The following MAGI3 variants were observed in gnomAD, a reference collection of about 807,000 sequenced individuals.
MAGI3 encodes membrane associated guanylate kinase, WW and PDZ domain containing 3, also known as membrane-associated guanylate kinase, WW and PDZ domain-containing protein 3.
Under a neutral mutation model 121.8 loss-of-function variants are expected in MAGI3, and 43 were observed. The ratio of observed to expected loss-of-function variants is 0.35; its 90% CI spans 0.28 to 0.46. The LOEUF is 0.46. Ranked by LOEUF, MAGI3 falls within the 20% of genes least tolerant of loss-of-function variation. The pLI is 1.00. For synonymous variants in MAGI3, 553 were observed against 639.3 expected, an observed-to-expected ratio of 0.86 and a Z score of 2.04; for missense variants, 1,547 against 1,797.3, an observed-to-expected ratio of 0.86 and a Z score of 2.52.
intron 16 of MAGI3, among the ~76,000 whole-genome samples, chr1:113,659,644 C>T (rs1653676961): frequency 2.0e-5 from 3 of 152,174 alleles, no homozygotes; most frequent in African/African-American, 7.2e-5. Flanking sequence ...GATATCAAGT[C>T]TTTTATGTCA....
chr1:113,413,781 G>C (rs1652138931), intron 1 of MAGI3, among the ~76,000 whole-genome samples: 2 of 152,198 alleles, frequency 1.3e-5, no homozygotes, highest in Non-Finnish European at 1.5e-5. Flanking sequence ...ATTTTGGGCT[G>C]AGACGATGGG....
intron 1 of MAGI3, among the ~76,000 whole-genome samples, chr1:113,444,107 C>T (rs1654051040): frequency 6.6e-6 from 1 of 152,246 alleles, no homozygotes; most frequent in South Asian, 2.1e-4. Flanking sequence ...TGGTCAGTTA[C>T]AGCTCTTCGC....
chr1:113,551,936 T>C (rs1252974128), intron 2 of MAGI3, among the ~76,000 whole-genome samples: 1 of 152,090 alleles, frequency 6.6e-6, no homozygotes, highest in African/African-American at 2.4e-5. Flanking sequence ...AATTACTTAG[T>C]CATCTCTTCT....
chr1:113,629,117 T>G (rs901755688), intron 9 of MAGI3, among the ~76,000 whole-genome samples: 28 of 152,172 alleles, frequency 1.8e-4, no homozygotes, highest in Non-Finnish European at 3.7e-4. Context: ...ATTCTTGTTT[T>G]TTTTTGTCTC....
intron 1 of MAGI3, among the ~76,000 whole-genome samples, chr1:113,457,840 A>C (rs112861606): frequency 5.9e-5 from 9 of 152,294 alleles, no homozygotes; most frequent in Non-Finnish European, 1.3e-4. Flanking sequence ...AAAAGGTGAC[A>C]TTTGAATTGA....
intron 9 of MAGI3, among the ~76,000 whole-genome samples, chr1:113,630,091 G>A (rs904782661): frequency 2.0e-5 from 3 of 152,084 alleles, no homozygotes; most frequent in Non-Finnish European, 4.4e-5. Context: ...GGGAGCTAGG[G>A]ATTGAAGTCA....
intron 1 of MAGI3, among the ~76,000 whole-genome samples, chr1:113,405,211 G>A (rs1286437722): frequency 6.6e-6 from 1 of 152,040 alleles, no homozygotes; most frequent in African/African-American, 2.4e-5. Flanking sequence ...CAGATGTGGT[G>A]GCTCACGCCT....
intron 9 of MAGI3, among the ~76,000 whole-genome samples, chr1:113,638,121 A>T (rs540983960): frequency 2.0e-4 from 31 of 152,210 alleles, no homozygotes; most frequent in African/African-American, 6.7e-4. Context: ...TATTCTAGTT[A>T]TACATTCGTC....
At chr1:113,682,872 T>A (rs1316511922) in intron 20 of MAGI3, 25 bp from the exon 21 acceptor site, 1 of 1,525,272 alleles carries the variant, frequency 6.6e-7, no homozygotes, top group Admixed American at 2.3e-5. Flanking sequence ...AATTTAATAA[T>A]GTTCCATTCA....
intron 6 of MAGI3, among the ~76,000 whole-genome samples, chr1:113,606,442 T>C (rs899821561): frequency 6.6e-6 from 1 of 152,164 alleles, no homozygotes; most frequent in Non-Finnish European, 1.5e-5. Flanking sequence ...CATGTCCCTT[T>C]TACTGGCTTC....
intron 1 of MAGI3, among the ~76,000 whole-genome samples, chr1:113,506,626 CA>C (rs575715920): frequency 1.7e-3 from 264 of 152,304 alleles, no homozygotes; most frequent in Non-Finnish European, 2.8e-3. Flanking sequence ...CCTATTGTAA[CA>C]AAAACCAAGT....
intron 6 of MAGI3, among the ~76,000 whole-genome samples, chr1:113,608,845 C>G (rs536639373): frequency 6.6e-6 from 1 of 152,210 alleles, no homozygotes; most frequent in South Asian, 2.1e-4. Flanking sequence ...CTTGGTTGGC[C>G]CAGGACTGAT....
At chr1:113,547,993 A>G (rs1165379596) in intron 1 of MAGI3, among the ~76,000 whole-genome samples, 2 of 152,212 alleles carry the variant, frequency 1.3e-5, no homozygotes, top group African/African-American at 2.4e-5. Flanking sequence ...TGAACTTTTG[A>G]CATACACTGA....
At position 113,468,128 on chromosome 1, in the gene MAGI3, CT is replaced by C. The variant is rs552642583; in HGVS notation, c.316+76781del. Among the ~76,000 whole-genome samples, 328 of 152,166 alleles carry C rather than the reference CT, an allele frequency of 2.2e-3. 3 individuals are homozygous for C. In the South Asian group the frequency reaches 0.024, roughly 11 times the overall value. ...GTGTTTCTTTATAGGTGCTAAGTTTCTTATAGGTGGCATAAAGTTGAATTGT... is the reference window on the plus strand; with the variant it reads ...GTGTTTCTTTATAGGTGCTAAGTTTCTATAGGTGGCATAAAGTTGAATTGT... On this transcript the variant is annotated intron_variant, in intron 1 of 20. Coordinates refer to ENST00000307546, the MANE Select transcript of MAGI3 (RefSeq NM_001142782.2).
chr1:113,419,394 T>C (rs1404983821), intron 1 of MAGI3, among the ~76,000 whole-genome samples: 1 of 152,172 alleles, frequency 6.6e-6, no homozygotes, highest in African/African-American at 2.4e-5. Flanking sequence ...TTTTATCTTT[T>C]AGAAGATCAG....
chr1:113,621,258 G>T (rs886821000), intron 8 of MAGI3, among the ~76,000 whole-genome samples: 2 of 152,304 alleles, frequency 1.3e-5, no homozygotes, highest in Non-Finnish European at 2.9e-5. Context: ...TAGGGTATTT[G>T]TAGGGTAGTA....
At chr1:113,662,755 G>A (rs931550008) in intron 16 of MAGI3, among the ~76,000 whole-genome samples, 7 of 152,048 alleles carry the variant, frequency 4.6e-5, no homozygotes, top group African/African-American at 7.2e-5. Flanking sequence ...TTTGAGTTAC[G>A]TAAATGTTAT....
rs558432710 is a variant in MAGI3, at chr1:113,555,052, C to G, written c.433+5421C>G. Among the ~76,000 whole-genome samples, 432 of 151,624 alleles carry G rather than the reference C, an allele frequency of 2.8e-3. 5 individuals are homozygous for G. Among genetic ancestry groups the G allele is most frequent in the African/African-American group, 9.9e-3 (408 of 41,412 alleles). On this transcript the variant is annotated intron_variant, in intron 2 of 20. Transcript: ENST00000307546. ...TTACATGCAAGGGAACAAAGAATGA[C>G]TGCAGTATCCACAGAAACAGTATAA...
chr1:113,631,628 T>C (rs1033355323), intron 9 of MAGI3, among the ~76,000 whole-genome samples: 2 of 152,226 alleles, frequency 1.3e-5, no homozygotes, highest in Admixed American at 6.5e-5. Context: ...AGGATACTTT[T>C]GGAGCAAACA....
Sources: allele counts gnomAD v4.1 joint callset (sites outside exome capture counted in the v4.1 genomes callset), GRCh38; gene constraint gnomAD v4.1.1; transcripts MANE v1.5; gene names NCBI Gene and HGNC (gene_info 2026-07-23, HGNC 2026-07-21).